KALRN: variants seen among roughly 807,000 people sequenced by gnomAD.
KALRN encodes kalirin.
KALRN carries 70 observed loss-of-function variants against 353.7 expected under a neutral mutation model. That is an observed-to-expected ratio of 0.20 (90% CI 0.16 to 0.24). The LOEUF is 0.24. Among genes scored for constraint, KALRN ranks in the 10% least tolerant of loss-of-function variants. The pLI is 1.00. For synonymous variants in KALRN, 1,391 were observed against 1,434.8 expected, an observed-to-expected ratio of 0.97 and a Z score of 0.69; for missense variants, 2,791 against 3,756.7, an observed-to-expected ratio of 0.74 and a Z score of 6.72.
At chr3:124,380,633 A>G (rs2087222789) in intron 10 of KALRN, among the ~76,000 whole-genome samples, 1 of 152,246 alleles carries the variant, frequency 6.6e-6, no homozygotes, top group Non-Finnish European at 1.5e-5. Context: ...CCTAGGAAAT[A>G]TGTTCAGAGC....
chr3:124,585,137 G>A (rs575905597), intron 34 of KALRN, among the ~76,000 whole-genome samples: 1 of 152,360 alleles, frequency 6.6e-6, no homozygotes, highest in Admixed American at 6.5e-5. Context: ...TGGATGCGGA[G>A]CTGCTGTTTG....
intron 1 of KALRN, among the ~76,000 whole-genome samples, chr3:124,147,003 G>A (rs2067455627): frequency 6.6e-6 from 1 of 151,974 alleles, no homozygotes; most frequent in African/African-American, 2.4e-5. Context: ...GTGGATGCTG[G>A]AACTATACCA....
intron 43 of KALRN, among the ~76,000 whole-genome samples, chr3:124,659,753 T>TA (rs1428225429): frequency 1.8e-4 from 28 of 152,070 alleles, no homozygotes; most frequent in Admixed American, 1.0e-3. Flanking sequence ...TTGATACCTT[T>TA]AAAAAATAAG....
rs750978589 is a variant in KALRN, at chr3:124,422,862, G to A, written c.2593G>A (p.Glu865Lys). The A allele has an allele frequency of 3.8e-5, 61 of 1,613,814 alleles. No individual in the cohort carries two copies. Among genetic ancestry groups the A allele is most frequent in the Non-Finnish European group, 5.2e-5 (61 of 1,179,874 alleles). ...CATTGATCTGGCAGCCCAGGTGCAA[G>A]AGTTATTGGAATTTCTCCATGAGAA... The part of the protein sequence containing the change: ...KDIDLAAQVQ[E>K]LLEFLHEKQH... The change falls in exon 15 of 60, where the codon GAG becomes AAG. Residue 865 changes from glutamate to lysine, a missense_variant. Coordinates refer to ENST00000682506, the MANE Select transcript of KALRN (RefSeq NM_001388419.1).
chr3:124,445,244 C>G (rs1262897404), intron 19 of KALRN, among the ~76,000 whole-genome samples: 2 of 152,126 alleles, frequency 1.3e-5, no homozygotes, highest in Admixed American at 6.5e-5. Context: ...AAATGAGTGT[C>G]TTCCACATAC....
At chr3:124,632,833 C>T (rs2080928917) in intron 35 of KALRN, 130 bp downstream of exon 35, 2 of 896,314 alleles carry the variant, frequency 2.2e-6, no homozygotes, top group East Asian at 2.6e-5. Flanking sequence ...GATTTGGATT[C>T]TTTTTATTCT....
intron 15 of KALRN, 133 bp from the exon 16 acceptor site, chr3:124,430,522 GA>G (rs755726993): frequency 1.7e-4 from 172 of 1,034,916 alleles, no homozygotes; most frequent in Non-Finnish European, 2.3e-4. Context: ...TGATTATGGT[GA>G]CATTTGCTGT....
At chr3:124,243,671 G>T (rs1194631803) in intron 3 of KALRN, among the ~76,000 whole-genome samples, 1 of 152,132 alleles carries the variant, frequency 6.6e-6, no homozygotes, top group African/African-American at 2.4e-5. Context: ...TGGAAATTAT[G>T]TAGGGTATTC....
At position 124,213,024 on chromosome 3, in the gene KALRN, A is replaced by G. The variant is rs370771046; in HGVS notation, c.74-14966A>G. ...GTCATTTGCCTTTTAAATTTTGTTTATAATCTGACATATAGTTTAAATTCT... is the reference window on the plus strand; with the variant it reads ...GTCATTTGCCTTTTAAATTTTGTTTGTAATCTGACATATAGTTTAAATTCT... On this transcript the variant is annotated intron_variant, in intron 1 of 59. Coordinates refer to ENST00000682506, the MANE Select transcript of KALRN (RefSeq NM_001388419.1). Among the ~76,000 whole-genome samples the G allele has an allele frequency of 7.2e-5, 11 of 152,000 alleles. 1 individual carries two copies. The South Asian group carries it at 2.3e-3, about 31-fold the overall frequency.
chr3:124,683,457 A>G (rs1578932002), intron 51 of KALRN, among the ~76,000 whole-genome samples: 1 of 152,116 alleles, frequency 6.6e-6, no homozygotes, highest in Admixed American at 6.6e-5. Flanking sequence ...CAGCATTGCC[A>G]CCTGCCTACA....
chr3:124,077,934 C>T (rs1450059702), intron 1 of KALRN, among the ~76,000 whole-genome samples: 1 of 152,194 alleles, frequency 6.6e-6, no homozygotes, highest in African/African-American at 2.4e-5. Context: ...TCTGTGGACC[C>T]GTTTGCTTCT....
In KALRN at chr3:124,209,255, A is replaced by G. The variant is rs147098670; in HGVS notation, c.74-18735A>G. Among the ~76,000 whole-genome samples the G allele has an allele frequency of 5.6e-3, 851 of 152,120 alleles. 1 individual carries two copies. Among genetic ancestry groups the G allele is most frequent in the Non-Finnish European group, 8.9e-3 (605 of 67,988 alleles). ...TGCAGTGGCTCACACCTGTAATCCC[A>G]GCACTTTGGGAGGCCAAGGTGGGCA... is the stretch of plus-strand genomic sequence containing the variant. On this transcript the variant is annotated intron_variant, in intron 1 of 59. Coordinates refer to ENST00000682506, the MANE Select transcript of KALRN (RefSeq NM_001388419.1).
At chr3:124,538,107 A>C (rs1189469510) in intron 33 of KALRN, among the ~76,000 whole-genome samples, 3 of 152,356 alleles carry the variant, frequency 2.0e-5, no homozygotes, top group South Asian at 2.1e-4. Context: ...GGCTTTTGAC[A>C]AGTGCAAGTA....
intron 18 of KALRN, 63 bp downstream of exon 18, chr3:124,439,100 C>T: frequency 1.4e-6 from 2 of 1,460,246 alleles, no homozygotes; most frequent in Non-Finnish European, 1.9e-6. Flanking sequence ...TTCTTTCATC[C>T]TCTTTCTCTT....
At chr3:124,675,591 C>T (rs952868682) in intron 49 of KALRN, among the ~76,000 whole-genome samples, 5 of 138,658 alleles carry the variant, frequency 3.6e-5, no homozygotes, top group African/African-American at 1.1e-4. Flanking sequence ...TTTTTTCCTA[C>T]ATAAAAAGTA....
intron 1 of KALRN, among the ~76,000 whole-genome samples, chr3:124,186,186 G>A (rs892762120): frequency 6.6e-6 from 1 of 152,180 alleles, no homozygotes; most frequent in South Asian, 2.1e-4. Context: ...CTGAGGAACA[G>A]CAATGCCCTT....
At chr3:124,036,107 T>C (rs2039394563) in intron 1 of KALRN, among the ~76,000 whole-genome samples, 1 of 152,190 alleles carries the variant, frequency 6.6e-6, no homozygotes, top group South Asian at 2.1e-4. Context: ...CATGTATGGG[T>C]TATATAGATA....
At chr3:124,322,956 A>G (rs2079496984) in intron 6 of KALRN, among the ~76,000 whole-genome samples, 1 of 152,242 alleles carries the variant, frequency 6.6e-6, no homozygotes, top group Non-Finnish European at 1.5e-5. Flanking sequence ...GGCTATAGAG[A>G]AGAACAATGA....
At chr3:124,647,579 C>T (rs1331782499) in intron 37 of KALRN, among the ~76,000 whole-genome samples, 3 of 152,222 alleles carry the variant, frequency 2.0e-5, no homozygotes, top group Non-Finnish European at 2.9e-5. Context: ...GCCACCTGCT[C>T]CTTTTGTTCA....
Sources: allele counts gnomAD v4.1 joint callset (sites outside exome capture counted in the v4.1 genomes callset), GRCh38; gene constraint gnomAD v4.1.1; transcripts MANE v1.5; gene names NCBI Gene and HGNC (gene_info 2026-07-23, HGNC 2026-07-21).